TRANK1: variants seen among roughly 807,000 people sequenced by gnomAD.
TRANK1 encodes tetratricopeptide repeat and ankyrin repeat containing 1, also known as TPR and ankyrin repeat-containing protein 1.
Under a neutral mutation model 266.0 loss-of-function variants are expected in TRANK1, and 198 were observed. The observed-to-expected ratio is 0.74, with a 90% CI of 0.66 to 0.84. TRANK1 has a LOEUF of 0.84. Ranked by LOEUF, TRANK1 falls within the 40% of genes least tolerant of loss-of-function variation. The pLI is 0.00. For synonymous variants in TRANK1, 1,396 were observed against 1,384.1 expected (o/e 1.01, Z -0.19); for missense variants, 3,326 against 3,634.6 (o/e 0.92, Z 2.18).
At chr3:36,915,097 G>A (rs2080106683) in intron 1 of TRANK1, among the ~76,000 whole-genome samples, 1 of 152,056 alleles carries the variant, frequency 6.6e-6, no homozygotes, top group South Asian at 2.1e-4. Context: ...GACTACAGGC[G>A]CCGGCCACCA....
chr3:36,831,214 A>G lies in TRANK1; in HGVS notation c.8369T>C (p.Phe2790Ser), dbSNP rs774889495. The change falls in exon 22 of 24, where the codon TTT becomes TCT. Residue 2790 changes from phenylalanine (F) to serine (S), a missense_variant. Coordinates refer to ENST00000645898, the MANE Select transcript of TRANK1 (RefSeq NM_001329998.2). This position sits in a 1 kb window ranked among gnomAD's most constrained non-coding sequence, Gnocchi z 5.0. ...TGCCACCTCGGAAGCTGCCCCCTCA[A>G]ACGCTTTGCTGGGGCTGAAATAGTT... ...PENYFSPSKAFEGAASEVAVL... is the reference protein window; with the variant it reads ...PENYFSPSKASEGAASEVAVL... The G allele has an allele frequency of 3.1e-6, 5 of 1,613,802 alleles. No individual in the cohort carries two copies. Among genetic ancestry groups the G allele is most frequent in the African/African-American group, 2.7e-5 (2 of 74,990 alleles).
chr3:36,833,313 G>C lies in TRANK1; in HGVS notation c.6270C>G (p.Ile2090Met). Residue 2090 changes from isoleucine to methionine, a missense_variant, in exon 22 of 24, where the codon ATC becomes ATG. Ile to Met is a conservative substitution (Grantham distance 10). Transcript: ENST00000645898. ...TGAGAGCCCTGACCAGACTGAGGAG[G>C]ATTTCCAAGCCCCCTGGAGCCAGGC... is the stretch of plus-strand genomic sequence containing the variant. The part of the protein sequence containing the change: ...ILGLAPGGLE[I>M]LLSLVRALKR... 6.2e-7 allele frequency: 1 copy of C among 1,613,964 alleles called. No individual in the cohort carries two copies. Among genetic ancestry groups the C allele is most frequent in the Admixed American group, 1.7e-5 (1 of 60,018 alleles).
chr3:36,833,494 G>A lies in TRANK1; in HGVS notation c.6089C>T (p.Ala2030Val), dbSNP rs761877142. The A allele has an allele frequency of 1.7e-5, 27 of 1,613,732 alleles. No individual in the cohort carries two copies. The highest frequency in any genetic ancestry group is 2.2e-5 in the East Asian group (1 of 44,902). ...CYQTGQLSGIAEAHFLQGVIL... is the reference protein window; with the variant it reads ...CYQTGQLSGIVEAHFLQGVIL... ...TACCCCTTGCAGGAAGTGGGCCTCCGCAATGCCAGACAACTGGCCAGTTTG... is the reference window on the plus strand; with the variant it reads ...TACCCCTTGCAGGAAGTGGGCCTCCACAATGCCAGACAACTGGCCAGTTTG... The change falls in exon 22 of 24, where the codon GCG becomes GTG. Residue 2030 changes from alanine (A) to valine (V), a missense_variant. Physicochemically the swap from Ala to Val is moderately conservative, Grantham distance 64. Coordinates refer to ENST00000645898, the MANE Select transcript of TRANK1 (RefSeq NM_001329998.2).
At chr3:36,935,969 A>G (rs4535177) in intron 1 of TRANK1, among the ~76,000 whole-genome samples, 93,265 of 152,026 alleles carry the variant, frequency 0.61, 29,086 homozygotes, top group African/African-American at 0.68. Flanking sequence ...GCCATTTCCC[A>G]TAAAGCCAGG....
intron 16 of TRANK1, 91 bp downstream of exon 16, chr3:36,847,109 G>A: frequency 7.7e-6 from 11 of 1,426,384 alleles, no homozygotes; most frequent in Non-Finnish European, 1.0e-5. Context: ...CCAGCCAAGT[G>A]CAAGCTCCAT....
intron 1 of TRANK1, among the ~76,000 whole-genome samples, chr3:36,936,592 C>T (rs2080428854): frequency 6.6e-6 from 1 of 151,988 alleles, no homozygotes; most frequent in Non-Finnish European, 1.5e-5. Flanking sequence ...AACTACGCCC[C>T]AATAATTTCA....
At chr3:36,866,052 AAAAG>A (rs56714482) in intron 9 of TRANK1, among the ~76,000 whole-genome samples, 19,359 of 127,658 alleles carry the variant, frequency 0.15, 1,360 homozygotes, top group African/African-American at 0.16. Context: ...GACAGAAAGA[AAAAG>A]AAAGAAAGAA....
rs546941907 is a variant in TRANK1, at chr3:36,891,518, T to G, written c.775+684A>C. 3.3e-5 allele frequency among the ~76,000 whole-genome samples: 5 copies of G among 152,308 alleles called. No homozygotes were observed. In the South Asian group the frequency reaches 8.3e-4, roughly 25 times the overall value. ...TAGACTAGACAAGTTCTCTCGGCCCTTTCTGGCACTAAACTGCTATGGGTG... is the reference window on the plus strand; with the variant it reads ...TAGACTAGACAAGTTCTCTCGGCCCGTTCTGGCACTAAACTGCTATGGGTG... On this transcript the variant is annotated intron_variant, in intron 7 of 23. Coordinates refer to ENST00000645898, the MANE Select transcript of TRANK1 (RefSeq NM_001329998.2).
At position 36,944,853 on chromosome 3, in the gene TRANK1, G is replaced by A. The variant is rs369270910; in HGVS notation, c.-44C>T. On this transcript the variant is annotated 5_prime_UTR_variant, in exon 1 of 24. Transcript: ENST00000645898. Reference sequence around the variant, plus strand: ...CGCACCAGGACCGCCGCCGCCTGGGGAAGCGCTTCCCTGTGGGCAGGGCGC... The same window carrying A: ...CGCACCAGGACCGCCGCCGCCTGGGAAAGCGCTTCCCTGTGGGCAGGGCGC... The A allele has an allele frequency of 2.8e-6, 4 of 1,440,182 alleles. No homozygotes were observed. The highest frequency in any genetic ancestry group is 3.6e-6 in the Non-Finnish European group (4 of 1,103,232). 89.2% of individuals were successfully genotyped at this position (1,440,182 alleles called of 1,614,324 possible).
chr3:36,857,718 T>G lies in TRANK1; in HGVS notation c.2004A>C (p.Ser668=), dbSNP rs138747354. 6.2e-7 allele frequency: 1 copy of G among 1,614,008 alleles called. No individual in the cohort carries two copies. The highest frequency in any genetic ancestry group is 2.2e-5 in the East Asian group (1 of 44,876). Residue 668 remains serine (S), a synonymous_variant, in exon 13 of 24, where the codon TCA becomes TCC. Coordinates refer to ENST00000645898, the MANE Select transcript of TRANK1 (RefSeq NM_001329998.2). This position sits in a 1 kb window ranked among gnomAD's most constrained non-coding sequence, Gnocchi z 4.3. Reference sequence around the variant, plus strand: ...ATGTGTGACCAGGGGCAGTGGACTTTGAGAGCTTCCCCAGGTGGGCAGCAG... The same window carrying G: ...ATGTGTGACCAGGGGCAGTGGACTTGGAGAGCTTCCCCAGGTGGGCAGCAG... ...QDSAAHLGKL[S]KSTAPGHTSQ...
intron 1 of TRANK1, among the ~76,000 whole-genome samples, chr3:36,916,258 G>T (rs1016737743): frequency 1.1e-4 from 16 of 152,158 alleles, no homozygotes; most frequent in Non-Finnish European, 4.4e-5. Context: ...GAGGGTTTTA[G>T]GTTGCAGATT....
chr3:36,856,695 G>A lies in TRANK1; in HGVS notation c.3027C>T (p.Val1009=). The A allele has an allele frequency of 6.2e-7, 1 of 1,614,050 alleles. No homozygotes were observed. Among genetic ancestry groups the A allele is most frequent in the Non-Finnish European group, 8.5e-7 (1 of 1,179,898 alleles). Residue 1009 remains valine, a synonymous_variant, in exon 13 of 24, where the codon GTC becomes GTT. Coordinates refer to ENST00000645898, the MANE Select transcript of TRANK1 (RefSeq NM_001329998.2). ...TGGCTGGGGGAAAGTACTCAGGATTGACATGCTCCCTGCCCTTCTCGGCCT... is the reference window on the plus strand; with the variant it reads ...TGGCTGGGGGAAAGTACTCAGGATTAACATGCTCCCTGCCCTTCTCGGCCT... ...DTEAEKGREH[V]NPEYFPPASA... is the part of the protein sequence containing the mutation.
intron 15 of TRANK1, among the ~76,000 whole-genome samples, chr3:36,848,085 T>C (rs183948420): frequency 6.6e-6 from 1 of 152,318 alleles, no homozygotes; most frequent in East Asian, 1.9e-4. Context: ...ATAATAAATA[T>C]TGTTATCATT....
chr3:36,869,457 C>A (rs2079274259), intron 9 of TRANK1, among the ~76,000 whole-genome samples: 3 of 152,224 alleles, frequency 2.0e-5, no homozygotes, highest in Admixed American at 6.5e-5. Context: ...TGTAAAACAA[C>A]TCAAATCCTA....
At chr3:36,909,735 A>T (rs972868002) in intron 1 of TRANK1, among the ~76,000 whole-genome samples, 3 of 152,220 alleles carry the variant, frequency 2.0e-5, no homozygotes, top group African/African-American at 7.2e-5. Flanking sequence ...ATTTTAAACA[A>T]TTTGACTTCT....
rs34988717 is a variant in TRANK1 at position 36,883,444 on chromosome 3, C to CA, written c.907+6384dup. Among the ~76,000 whole-genome samples the CA allele has an allele frequency of 8.3e-3, 775 of 93,150 alleles. 4 individuals carry two copies. The highest frequency in any genetic ancestry group is 0.026 in the Admixed American group (244 of 9,406). 61.1% of individuals were successfully genotyped at this position (93,150 alleles called of 152,430 possible). A position where few individuals can be genotyped will look rare whatever the true frequency, so the allele number is the denominator to read the frequency against. ...TGGGTGATAGAGTAAGACTCTGTCT[C>CA]AAAAAAAAAAAAAAACGCAGAGAAA... On this transcript the variant is annotated intron_variant, in intron 8 of 23. Transcript: ENST00000645898.
Position 36,857,388 on chromosome 3 carries a change from T to G in TRANK1, c.2334A>C (p.Ala778=). Residue 778 remains alanine (A), a synonymous_variant, in exon 13 of 24, where the codon GCA becomes GCC. Transcript: ENST00000645898. The surrounding 1 kb of genome is among the most constrained non-coding windows in gnomAD (Gnocchi z 4.3). ...CCACCTCACTACAGTCAGGGGCCCC[T>G]GCACCCAGAGTCGGCTTGTCATCTT... ...GKKDDKPTLG[A]GAPDCSEVGE... 2.5e-6 allele frequency: 4 copies of G among 1,611,788 alleles called. No homozygotes were observed. Among genetic ancestry groups the G allele is most frequent in the Non-Finnish European group, 3.4e-6 (4 of 1,178,716 alleles).
chr3:36,934,299 T>C (rs930084297), intron 1 of TRANK1, among the ~76,000 whole-genome samples: 33 of 152,300 alleles, frequency 2.2e-4, no homozygotes, highest in African/African-American at 7.9e-4. Context: ...TAAAAGAATA[T>C]AATGCCTGTG....
intron 2 of TRANK1, among the ~76,000 whole-genome samples, chr3:36,904,572 A>G (rs2079934514): frequency 6.6e-6 from 1 of 152,330 alleles, no homozygotes; most frequent in Non-Finnish European, 1.5e-5. Context: ...TCACTGTAGA[A>G]TAATACAAAA....
Sources: allele counts gnomAD v4.1 joint callset (sites outside exome capture counted in the v4.1 genomes callset), GRCh38; gene constraint gnomAD v4.1.1; non-coding constraint Gnocchi (gnomAD v3.1); transcripts MANE v1.5; gene names NCBI Gene and HGNC (gene_info 2026-07-23, HGNC 2026-07-21).